Variants in PCDHGB4 observed in about 807,000 individuals in gnomAD.
PCDHGB4 encodes protocadherin gamma subfamily B, 4.
In PCDHGB4, 38 loss-of-function variants were observed where a neutral mutation model predicts 60.5. That is an observed-to-expected ratio of 0.63 (90% CI 0.48 to 0.82). The LOEUF (loss-of-function observed/expected upper bound fraction) is 0.82, where lower values mean the gene tolerates loss of function less well. Among genes scored for constraint, PCDHGB4 ranks in the 40% least tolerant of loss-of-function variants. The pLI is 0.00. For missense variants in PCDHGB4, 1,109 were observed against 1,209.6 expected (o/e 0.92, Z 1.23); for synonymous variants, 456 against 509.7 (o/e 0.89, Z 1.42).
At chr5:141,497,733 T>G (rs2099779006) in intron 2 of PCDHGB4, among the ~76,000 whole-genome samples, 2 of 152,078 alleles carry the variant, frequency 1.3e-5, no homozygotes, top group Non-Finnish European at 2.9e-5. Context: ...AGAGATGGGT[T>G]TCGCCACGTT....
chr5:141,420,076 T>A, intron 1 of PCDHGB4: 2 of 1,613,956 alleles, frequency 1.2e-6, no homozygotes, highest in Non-Finnish European at 1.7e-6. Context: ...GACCTGTGGG[T>A]CCCCCCAACT....
intron 1 of PCDHGB4, chr5:141,394,701 C>A (rs375281416): frequency 5.0e-6 from 8 of 1,613,162 alleles, no homozygotes; most frequent in Non-Finnish European, 6.8e-6. Flanking sequence ...GCGCACGGCG[C>A]GAGCCCTGCT....
At chr5:141,446,221 T>C (rs2098493855) in intron 1 of PCDHGB4, among the ~76,000 whole-genome samples, 1 of 152,164 alleles carries the variant, frequency 6.6e-6, no homozygotes, top group African/African-American at 2.4e-5. Flanking sequence ...AATATTGTTG[T>C]GTTGCCTGGC....
At chr5:141,499,689 CTTTTTTTTTTT>C in intron 2 of PCDHGB4, among the ~76,000 whole-genome samples, 1 of 119,852 alleles carries the variant, frequency 8.3e-6, no homozygotes, top group Non-Finnish European at 1.7e-5. Context: ...TAACAGATGA[CTTTTTTTTTTT>C]TTTTTTTTTT....
At chr5:141,474,087 A>C (rs1483673747) in intron 1 of PCDHGB4, among the ~76,000 whole-genome samples, 4 of 152,198 alleles carry the variant, frequency 2.6e-5, no homozygotes, top group South Asian at 2.1e-4. Context: ...AAAACCAAAA[A>C]ACAAACAACA....
intron 1 of PCDHGB4, chr5:141,393,614 C>G: frequency 6.2e-7 from 1 of 1,613,778 alleles, no homozygotes; most frequent in Non-Finnish European, 8.5e-7. Context: ...TAACAGCCAG[C>G]GACCCGGATG....
At chr5:141,478,840 A>G (rs2099480064) in intron 1 of PCDHGB4, 1 of 1,410,466 alleles carries the variant, frequency 7.1e-7, no homozygotes, top group Non-Finnish European at 9.3e-7. Context: ...AGGGATGGTT[A>G]AGCTAAAACA....
At chr5:141,399,380 T>A (rs1361218028) in intron 1 of PCDHGB4, 5 of 1,613,820 alleles carry the variant, frequency 3.1e-6, no homozygotes, top group Non-Finnish European at 4.2e-6. Context: ...AATGTCACCA[T>A]CACAGCCACA....
chr5:141,503,773 C>A (rs961986223), intron 2 of PCDHGB4, among the ~76,000 whole-genome samples: 1 of 152,204 alleles, frequency 6.6e-6, no homozygotes. Context: ...TGTGTCTGTT[C>A]TTAGGCTGAG....
At chr5:141,465,775 T>TA (rs2099108994) in intron 1 of PCDHGB4, among the ~76,000 whole-genome samples, 1 of 152,030 alleles carries the variant, frequency 6.6e-6, no homozygotes, top group African/African-American at 2.4e-5. Context: ...CATCTCTTGT[T>TA]ACAGTTTTTT....
intron 2 of PCDHGB4, among the ~76,000 whole-genome samples, chr5:141,500,310 G>A (rs1327269551): frequency 6.6e-6 from 1 of 151,740 alleles, no homozygotes; most frequent in Non-Finnish European, 1.5e-5. Flanking sequence ...CCAGGTTCAC[G>A]CCATGCTCCT....
At position 141,394,528 on chromosome 5, in the gene PCDHGB4, C is replaced by T. The variant is rs1465272752; in HGVS notation, c.2397+4247C>T. Reference sequence around the variant, plus strand: ...TACCCCGCCCTCCCCACAGACGGTTCCACTGGCGTGGAGCTGGCGCCCCGC... The same window carrying T: ...TACCCCGCCCTCCCCACAGACGGTTTCACTGGCGTGGAGCTGGCGCCCCGC... On this transcript the variant is annotated intron_variant, in intron 1 of 3. Transcript: ENST00000519479. 3 of 1,614,096 alleles carry T rather than the reference C, an allele frequency of 1.9e-6. No individual in the cohort carries two copies. The highest frequency in any genetic ancestry group is 2.5e-6 in the Non-Finnish European group (3 of 1,180,058).
intron 1 of PCDHGB4, among the ~76,000 whole-genome samples, chr5:141,482,057 C>A (rs2099551189): frequency 6.7e-6 from 1 of 149,978 alleles, no homozygotes; most frequent in Non-Finnish European, 1.5e-5. Flanking sequence ...TGCATTCCAG[C>A]CTGGGCAACA....
At chr5:141,434,497 G>A (rs986672351) in intron 1 of PCDHGB4, among the ~76,000 whole-genome samples, 2 of 152,214 alleles carry the variant, frequency 1.3e-5, no homozygotes, top group African/African-American at 4.8e-5. Context: ...CCCGCCCAGG[G>A]CAGAAAACTG....
Position 141,404,690 on chromosome 5 carries a change from C to T in PCDHGB4, c.2397+14409C>T, listed in dbSNP as rs199517824. The T allele has an allele frequency of 1.9e-4, 304 of 1,613,808 alleles. 1 individual carries two copies. Among genetic ancestry groups the T allele is most frequent in the Non-Finnish European group, 2.1e-4 (250 of 1,179,844 alleles). On this transcript the variant is annotated intron_variant, in intron 1 of 3. Coordinates refer to ENST00000519479, the MANE Select transcript of PCDHGB4 (RefSeq NM_003736.4). ...TTCTACTGGTGTGGAGCTGGCACCC[C>T]GCTCTGCAGAGCCTGGCTACCTGGT...
intron 1 of PCDHGB4, chr5:141,408,084 G>A (rs564149257): frequency 7.5e-5 from 106 of 1,418,874 alleles, no homozygotes; most frequent in Middle Eastern, 2.5e-4. Context: ...CCAGCACAGC[G>A]GATTGCCAGC....
intron 1 of PCDHGB4, chr5:141,421,189 C>T: frequency 1.4e-6 from 2 of 1,477,674 alleles, no homozygotes; most frequent in South Asian, 2.7e-5. Flanking sequence ...CACAACCAAC[C>T]AGCTCGAGAA....
At chr5:141,405,044 G>T (rs769617162) in intron 1 of PCDHGB4, 160 of 1,613,938 alleles carry the variant, frequency 9.9e-5, no homozygotes, top group Middle Eastern at 1.6e-4. Flanking sequence ...TGTGGCTGTG[G>T]CAGTCGTCTC....
At chr5:141,416,132 A>G (rs939839074) in intron 1 of PCDHGB4, 1 of 153,964 alleles carries the variant, frequency 6.5e-6, no homozygotes, top group Non-Finnish European at 1.4e-5. Flanking sequence ...ATATTTTTCA[A>G]TCTATACTTT....
Sources: allele counts gnomAD v4.1 joint callset (sites outside exome capture counted in the v4.1 genomes callset), GRCh38; gene constraint gnomAD v4.1.1; transcripts MANE v1.5; gene names NCBI Gene and HGNC (gene_info 2026-07-23, HGNC 2026-07-21).